KCNK10: variants seen among roughly 807,000 people sequenced by gnomAD.
The protein encoded by KCNK10 is potassium two pore domain channel subfamily K member 10, also known as potassium channel subfamily K member 10.
A neutral mutation model predicts 47.7 loss-of-function variants in KCNK10; 25 were observed. That is an observed-to-expected ratio of 0.52 (90% CI 0.38 to 0.73). KCNK10 has a LOEUF of 0.73. Among genes scored for constraint, KCNK10 ranks in the 30% least tolerant of loss-of-function variants. KCNK10 has a pLI of 0.00. For synonymous variants in KCNK10, 303 were observed against 285.6 expected, an observed-to-expected ratio of 1.06 and a Z score of -0.61; for missense variants, 563 against 714.5, an observed-to-expected ratio of 0.79 and a Z score of 2.42.
At chr14:88,294,375 G>A (rs1887943469) in intron 1 of KCNK10, among the ~76,000 whole-genome samples, 1 of 152,254 alleles carries the variant, frequency 6.6e-6, no homozygotes, top group South Asian at 2.1e-4. Flanking sequence ...TTTCCAAGAT[G>A]GAACTTGCCT....
At chr14:88,202,305 C>A (rs576161758) in intron 4 of KCNK10, among the ~76,000 whole-genome samples, 1 of 152,334 alleles carries the variant, frequency 6.6e-6, no homozygotes, top group South Asian at 2.1e-4. Context: ...CAGGGCATGT[C>A]CACGTCAGAG....
At chr14:88,324,388 C>G (rs1888619669), upstream of KCNK10, among the ~76,000 whole-genome samples, 1 of 152,136 alleles carries the variant, frequency 6.6e-6, no homozygotes, top group Non-Finnish European at 1.5e-5. Flanking sequence ...CGCAACGGAG[C>G]CTTACACGTA....
intron 2 of KCNK10, among the ~76,000 whole-genome samples, chr14:88,246,001 T>G (rs931894854): frequency 6.6e-6 from 1 of 152,174 alleles, no homozygotes; most frequent in Non-Finnish European, 1.5e-5. Context: ...AAAGGGATTA[T>G]GAATTGGAGA....
chr14:88,289,626 G>A (rs1887836109), intron 1 of KCNK10, among the ~76,000 whole-genome samples: 1 of 152,230 alleles, frequency 6.6e-6, no homozygotes, highest in African/African-American at 2.4e-5. Context: ...GAAGAAGAGA[G>A]CCTGAGGGTA....
intron 4 of KCNK10, among the ~76,000 whole-genome samples, chr14:88,203,979 A>T (rs1001952603): frequency 6.6e-6 from 1 of 152,244 alleles, no homozygotes; most frequent in Non-Finnish European, 1.5e-5. Flanking sequence ...GTAGATGCAG[A>T]GAAAAGATTC....
chr14:88,250,840 A>G (rs953183690), intron 2 of KCNK10, among the ~76,000 whole-genome samples: 3 of 152,018 alleles, frequency 2.0e-5, no homozygotes, highest in African/African-American at 7.2e-5. Context: ...GAGAAGTACT[A>G]TTGACAACCA....
chr14:88,220,411 C>G (rs1462036675), intron 4 of KCNK10, among the ~76,000 whole-genome samples: 1 of 63,442 alleles, frequency 1.6e-5, no homozygotes, highest in Non-Finnish European at 2.6e-5. Flanking sequence ...AGCGAGACTC[C>G]GTCTCAAAAA....
At chr14:88,218,196 G>T (rs1885685785) in intron 4 of KCNK10, among the ~76,000 whole-genome samples, 1 of 152,146 alleles carries the variant, frequency 6.6e-6, no homozygotes, top group Non-Finnish European at 1.5e-5. Flanking sequence ...CCCTTTTGCT[G>T]CTGAATGCTA....
At chr14:88,281,367 T>C (rs934558021) in intron 1 of KCNK10, among the ~76,000 whole-genome samples, 4 of 152,196 alleles carry the variant, frequency 2.6e-5, no homozygotes, top group Admixed American at 1.3e-4. Context: ...TTCTGGGTAC[T>C]TCTGTGAGGG....
chr14:88,188,658 G>A (rs1414363671), intron 5 of KCNK10, among the ~76,000 whole-genome samples: 1 of 152,132 alleles, frequency 6.6e-6, no homozygotes, highest in African/African-American at 2.4e-5. Flanking sequence ...GCTAACTGAG[G>A]AATGGTGTTT....
chr14:88,308,865 T>C (rs1888255666), intron 1 of KCNK10, among the ~76,000 whole-genome samples: 1 of 152,252 alleles, frequency 6.6e-6, no homozygotes, highest in Non-Finnish European at 1.5e-5. Context: ...CCATTCCATA[T>C]TAAATTCCCA....
intron 4 of KCNK10, among the ~76,000 whole-genome samples, chr14:88,202,772 C>T (rs1037539306): frequency 2.0e-5 from 3 of 151,692 alleles, no homozygotes; most frequent in African/African-American, 7.3e-5. Flanking sequence ...ACGAGATCTT[C>T]CTAGAGTCTT....
At position 88,185,534 on chromosome 14, in the gene KCNK10, TTTAG is replaced by T. The variant is rs755158196; in HGVS notation, c.1629_1632del (p.Asn543LysfsTer20). On this transcript the variant is annotated frameshift_variant and stop_lost, in exon 7 of 7. Transcript: ENST00000319231. LOFTEE classifies it high-confidence loss of function. The surrounding 1 kb of genome is among the most constrained non-coding windows in gnomAD (Gnocchi z 4.3). ...CAGTCCAAGACCAATGTCCTTCACA[TTTAG>T]TTTCTGTCTTCAAGTAATGAGTTGT... 5 of 1,611,002 alleles carry T rather than the reference TTTAG, an allele frequency of 3.1e-6. No individual in the cohort carries two copies.
At chr14:88,215,143 T>C (rs1885578535) in intron 4 of KCNK10, among the ~76,000 whole-genome samples, 1 of 152,206 alleles carries the variant, frequency 6.6e-6, no homozygotes, top group African/African-American at 2.4e-5. Flanking sequence ...AAAGCCCAGA[T>C]AGCCCAGTAT....
chr14:88,202,159 G>T (rs1171255579), intron 4 of KCNK10, among the ~76,000 whole-genome samples: 1 of 152,168 alleles, frequency 6.6e-6, no homozygotes, highest in African/African-American at 2.4e-5. Flanking sequence ...TTAGGAGAAA[G>T]ATTAGAAAAT....
rs531493220 is a variant in KCNK10, at chr14:88,220,383, C to T, written c.681+6992G>A. ...AGTGAGCCGAGATCGTGCCACTGCA[C>T]TCCAGCCTGGGCGACAGAGCGAGAC... On this transcript the variant is annotated intron_variant, in intron 4 of 6. Coordinates refer to ENST00000319231, the MANE Select transcript of KCNK10 (RefSeq NM_138317.3). Among the ~76,000 whole-genome samples, 811 of 117,854 alleles carry T rather than the reference C, an allele frequency of 6.9e-3. 11 individuals are homozygous for T. The highest frequency in any genetic ancestry group is 0.026 in the African/African-American group (775 of 29,900). The allele number at this position is 117,854 out of a possible 152,430, so 77.3% of individuals were successfully genotyped here. A position where few individuals can be genotyped will look rare whatever the true frequency, so the allele number is the denominator to read the frequency against.
intron 1 of KCNK10, among the ~76,000 whole-genome samples, chr14:88,283,130 T>C (rs1887686072): frequency 6.6e-6 from 1 of 152,184 alleles, no homozygotes; most frequent in Non-Finnish European, 1.5e-5. Flanking sequence ...ATTATCACAC[T>C]TTAAGGGTTT....
chr14:88,310,961 C>T (rs1888316796), intron 1 of KCNK10, among the ~76,000 whole-genome samples: 1 of 152,094 alleles, frequency 6.6e-6, no homozygotes, highest in Non-Finnish European at 1.5e-5. Flanking sequence ...TGCAAATTAT[C>T]ACAGAATCAA....
intron 3 of KCNK10, among the ~76,000 whole-genome samples, chr14:88,228,596 G>A (rs746209190): frequency 1.4e-4 from 21 of 152,100 alleles, no homozygotes; most frequent in Non-Finnish European, 2.8e-4. Flanking sequence ...TCCATTCAAT[G>A]AGTGAGTTAT....
Sources: allele counts gnomAD v4.1 joint callset (sites outside exome capture counted in the v4.1 genomes callset), GRCh38; gene constraint gnomAD v4.1.1; non-coding constraint Gnocchi (gnomAD v3.1); transcripts MANE v1.5; gene names NCBI Gene and HGNC (gene_info 2026-07-23, HGNC 2026-07-21).